TEX2: variants seen among roughly 807,000 people sequenced by gnomAD.
The protein encoded by TEX2 is testis expressed 2.
In TEX2, 53 loss-of-function variants were observed where a neutral mutation model predicts 106.9. The observed-to-expected ratio is 0.50, with a 90% confidence interval of 0.40 to 0.62. The LOEUF (loss-of-function observed/expected upper bound fraction) is 0.62, where lower values mean the gene tolerates loss of function less well. TEX2 is among the 20% of genes least tolerant of loss of function. The probability of loss-of-function intolerance (pLI) is 0.00; values close to 1 mark genes in which losing one functional copy is unlikely to be tolerated. For missense variants in TEX2, 1,207 were observed against 1,379.0 expected, an observed-to-expected ratio of 0.88 and a Z score of 1.98; for synonymous variants, 523 against 534.8, an observed-to-expected ratio of 0.98 and a Z score of 0.30.
intron 5 of TEX2, among the ~76,000 whole-genome samples, chr17:64,181,558 C>A (rs575376048): frequency 3.2e-4 from 48 of 151,792 alleles, no homozygotes; most frequent in African/African-American, 9.9e-4. Flanking sequence ...CGCTCTGTCG[C>A]CCAGGCTGGA....
At position 64,212,737 on chromosome 17, in the gene TEX2, T is replaced by C. The variant is rs781799907; in HGVS notation, c.1481A>G (p.Tyr494Cys). ...YVYLILPLPH[Y>C]VSGLFLGIGL... ...AATTCCCAGAAAGAGTCCACTCACA[T>C]AGTGGGGGAGGGGGAGGATGAGGTA... The change falls in exon 2 of 12, where the codon TAT (tyrosine) becomes TGT (cysteine). Residue 494 changes from tyrosine (Y) to cysteine (C), a missense_variant. Tyr to Cys is a radical substitution (Grantham distance 194). Transcript: ENST00000584379. The C allele has an allele frequency of 1.9e-6, 3 of 1,613,922 alleles. No homozygotes were observed. The highest frequency in any genetic ancestry group is 4.5e-5 in the East Asian group (2 of 44,890).
rs1226127556 is a variant in TEX2, at chr17:64,205,176, GC to G, written c.1644+7397del. 6.6e-6 allele frequency among the ~76,000 whole-genome samples: 1 copy of G among 152,154 alleles called. No individual in the cohort carries two copies. The highest frequency in any genetic ancestry group is 2.4e-5 in the African/African-American group (1 of 41,426). On this transcript the variant is annotated intron_variant, in intron 2 of 11. Transcript: ENST00000584379. This position sits in a 1 kb window ranked among gnomAD's most constrained non-coding sequence, Gnocchi z 4.0. ...TCAAAACATCTCACTGATTAGCCGT[GC>G]ATGGTGATGCGCACATGTAATCCCA... is the stretch of plus-strand genomic sequence containing the variant.
chr17:64,200,545 T>C (rs530667895), intron 2 of TEX2, among the ~76,000 whole-genome samples: 3 of 152,340 alleles, frequency 2.0e-5, no homozygotes, highest in African/African-American at 7.2e-5. Flanking sequence ...GAGATGAGTA[T>C]GCAATTACCT....
At chr17:64,227,691 T>A (rs2033544730) in intron 1 of TEX2, among the ~76,000 whole-genome samples, 2 of 152,214 alleles carry the variant, frequency 1.3e-5, no homozygotes, top group African/African-American at 2.4e-5. Context: ...AAGTAATCTA[T>A]CATTAGCAAG....
At chr17:64,230,109 GTGTGCATGCATGTGTGCACATGTGTA>G (rs569541101) in intron 1 of TEX2, among the ~76,000 whole-genome samples, 2 of 152,188 alleles carry the variant, frequency 1.3e-5, no homozygotes, top group East Asian at 1.9e-4. Flanking sequence ...GGTTTAAGAT[GTGTGCATGCATGTGTGCACATGTGTA>G]TGTGCATGTA....
Position 64,213,374 on chromosome 17 carries a change from C to T in TEX2, c.844G>A (p.Glu282Lys), listed in dbSNP as rs782042726. Residue 282 changes from glutamate to lysine, a missense_variant, in exon 2 of 12, where the codon GAA becomes AAA. Physicochemically the swap from Glu to Lys is moderately conservative, Grantham distance 56 (BLOSUM62 1). Coordinates refer to ENST00000584379, the MANE Select transcript of TEX2 (RefSeq NM_001288732.2). The surrounding 1 kb of genome is among the most constrained non-coding windows in gnomAD (Gnocchi z 4.4). ...GTATCTTCAATTTTAGCCTCCATTT[C>T]GGGCACTTTAAAAAAGGAACGAGTA... ...SDTRSFFKVP[E>K]MEAKIEDTKR... is the part of the protein sequence containing the mutation. The T allele has an allele frequency of 3.7e-6, 6 of 1,613,820 alleles. No homozygotes were observed. The highest frequency in any genetic ancestry group is 1.7e-5 in the Admixed American group (1 of 60,004).
intron 1 of TEX2, among the ~76,000 whole-genome samples, chr17:64,227,959 G>C (rs1250926996): frequency 6.6e-6 from 1 of 152,142 alleles, no homozygotes; most frequent in Non-Finnish European, 1.5e-5. Context: ...CGCTGTATAG[G>C]ATGAATATTC....
chr17:64,251,374 C>T (rs1399592202), intron 1 of TEX2, among the ~76,000 whole-genome samples: 1 of 152,192 alleles, frequency 6.6e-6, no homozygotes, highest in Non-Finnish European at 1.5e-5. Flanking sequence ...TCTCTAATTA[C>T]TATACATTAA....
At position 64,188,379 on chromosome 17, in the gene TEX2, G is replaced by C. The variant is rs372872428; in HGVS notation, c.2213C>G (p.Ser738Cys). Residue 738 changes from serine to cysteine, a missense_variant, in exon 5 of 12, where the codon TCC becomes TGC. Ser to Cys is a moderately radical substitution (Grantham distance 112). Transcript: ENST00000584379. ...GCTGCGGCTGTGGGTCAGGTGCCCG[G>C]ACGGACTGTTGTGTCTGCTGTGTGC... ...LPAHSRHNSP[S>C]GHLTHSRSSS... The C allele has an allele frequency of 4.0e-5, 65 of 1,614,104 alleles. No homozygotes were observed. Among genetic ancestry groups the C allele is most frequent in the Non-Finnish European group, 5.4e-5 (64 of 1,180,054 alleles).
intron 5 of TEX2, among the ~76,000 whole-genome samples, chr17:64,183,717 C>T (rs766205284): frequency 9.2e-5 from 14 of 152,100 alleles, no homozygotes; most frequent in South Asian, 4.1e-4. Context: ...CGTGAGCCAC[C>T]GCACCCGGCC....
At chr17:64,189,984 C>CAAAA (rs749574684) in intron 4 of TEX2, among the ~76,000 whole-genome samples, 1 of 109,824 alleles carries the variant, frequency 9.1e-6, no homozygotes. Context: ...GACTCTGTCT[C>CAAAA]AAAAAAAAAA....
chr17:64,193,943 AT>A, intron 3 of TEX2, 54 bp from the exon 4 acceptor site: 1 of 1,325,998 alleles, frequency 7.5e-7, no homozygotes, highest in Non-Finnish European at 1.0e-6. Context: ...TACACTATGC[AT>A]TAATATTATG....
At chr17:64,224,544 A>G (rs2143234280) in intron 1 of TEX2, among the ~76,000 whole-genome samples, 1 of 152,302 alleles carries the variant, frequency 6.6e-6, no homozygotes, top group East Asian at 1.9e-4. Context: ...AGAAAAAGAC[A>G]AGACTCTATC....
chr17:64,161,575 T>C (rs1301765868), intron 7 of TEX2, among the ~76,000 whole-genome samples: 1 of 152,172 alleles, frequency 6.6e-6, no homozygotes, highest in Non-Finnish European at 1.5e-5. Context: ...GCATAATCAC[T>C]TTGTACCTTA....
At chr17:64,257,826 A>T (rs1298875860) in intron 1 of TEX2, among the ~76,000 whole-genome samples, 3 of 152,242 alleles carry the variant, frequency 2.0e-5, no homozygotes, top group Non-Finnish European at 4.4e-5. Flanking sequence ...GGAAAGGAAA[A>T]AATCTTGTAC....
chr17:64,160,309 G>C lies in TEX2; in HGVS notation c.2804+492C>G, dbSNP rs372464336. 3.1e-4 allele frequency among the ~76,000 whole-genome samples: 47 copies of C among 152,268 alleles called. No individual in the cohort carries two copies. In the East Asian group the frequency reaches 8.3e-3, roughly 27 times the overall value. On this transcript the variant is annotated intron_variant, in intron 8 of 11. Transcript: ENST00000584379. ...ACAAAGAGAGGGATTTACTACGCAAGTCAATATTGTATTATTTAGGGAAAA... is the reference window on the plus strand; with the variant it reads ...ACAAAGAGAGGGATTTACTACGCAACTCAATATTGTATTATTTAGGGAAAA...
intron 1 of TEX2, chr17:64,242,350 G>A (rs1220933523): frequency 2.6e-5 from 4 of 152,088 alleles, no homozygotes; most frequent in Admixed American, 6.5e-5. Context: ...TCTCCTCCAC[G>A]GAACCACTTT....
intron 2 of TEX2, among the ~76,000 whole-genome samples, chr17:64,211,224 G>A (rs1555631516): frequency 6.6e-6 from 1 of 152,120 alleles, no homozygotes; most frequent in Admixed American, 6.5e-5. Context: ...GCCTCCAAAA[G>A]TGCTGGAATT....
intron 4 of TEX2, among the ~76,000 whole-genome samples, chr17:64,188,692 G>A (rs1056397886): frequency 7.9e-5 from 12 of 151,812 alleles, no homozygotes; most frequent in South Asian, 2.1e-4. Flanking sequence ...GGTGGGCGCC[G>A]GTAGTCTCAG....
Sources: gnomAD v4.1 joint callset for allele counts (sites outside exome capture counted in the v4.1 genomes callset) on GRCh38, gnomAD v4.1.1 for gene constraint, Gnocchi (gnomAD v3.1) non-coding constraint, MANE v1.5 for transcripts, NCBI Gene and HGNC (gene_info 2026-07-23, HGNC 2026-07-21) for gene names.